PPP1R12B: variants seen among roughly 807,000 people sequenced by gnomAD.
PPP1R12B encodes the protein protein phosphatase 1 regulatory subunit 12B.
Under a neutral mutation model 126.1 loss-of-function variants are expected in PPP1R12B, and 76 were observed. The ratio of observed to expected loss-of-function variants is 0.60; its 90% CI spans 0.50 to 0.73. The LOEUF (loss-of-function observed/expected upper bound fraction) is 0.73. Ranked by LOEUF, PPP1R12B falls within the 30% of genes least tolerant of loss-of-function variation. The pLI is 0.00. For missense variants in PPP1R12B, 1,052 were observed against 1,205.1 expected (o/e 0.87, Z 1.88); for synonymous variants, 356 against 434.7 (o/e 0.82, Z 2.25).
chr1:202,392,908 T>A (rs1664353861), intron 1 of PPP1R12B, among the ~76,000 whole-genome samples: 1 of 152,034 alleles, frequency 6.6e-6, no homozygotes, highest in Non-Finnish European at 1.5e-5. Context: ...CTATAATTTT[T>A]AAAAAAAGTA....
At chr1:202,505,989 A>C (rs559812090) in intron 18 of PPP1R12B, among the ~76,000 whole-genome samples, 2 of 152,224 alleles carry the variant, frequency 1.3e-5, no homozygotes, top group Non-Finnish European at 2.9e-5. Flanking sequence ...TGGCTGTTAT[A>C]AACAGTCCTG....
intron 1 of PPP1R12B, among the ~76,000 whole-genome samples, chr1:202,407,968 T>C (rs1320313300): frequency 6.6e-5 from 10 of 152,148 alleles, no homozygotes; most frequent in African/African-American, 2.4e-4. Flanking sequence ...ACTATTTACA[T>C]AGTATTTACA....
chr1:202,519,974 G>A lies in PPP1R12B; in HGVS notation c.2490+23152G>A, dbSNP rs114547877. ...CACAGAAACTTCATCCAGCTACCAG[G>A]CTATTCCTTTGTAGAGTGGTGATCA... is the stretch of plus-strand genomic sequence containing the variant. On this transcript the variant is annotated intron_variant, in intron 18 of 23. Coordinates refer to ENST00000608999, the MANE Select transcript of PPP1R12B (RefSeq NM_002481.4). 1.9e-3 allele frequency among the ~76,000 whole-genome samples: 283 copies of A among 152,238 alleles called. 2 individuals carry two copies. Among genetic ancestry groups the A allele is most frequent in the African/African-American group, 6.6e-3 (275 of 41,530 alleles).
rs34810265 is a variant in PPP1R12B at position 202,401,361 on chromosome 1, ATTTTTTTTT to A, written c.292-15405_292-15397del. Among the ~76,000 whole-genome samples, 1,583 of 71,414 alleles carry A rather than the reference ATTTTTTTTT, an allele frequency of 0.022. 74 individuals carry two copies. The East Asian group carries it at 0.29, about 13-fold the overall frequency. The allele number at this position is 71,414 out of a possible 152,430, so 46.9% of individuals were successfully genotyped here. A position where few individuals can be genotyped will look rare whatever the true frequency, so the allele number is the denominator to read the frequency against. On this transcript the variant is annotated intron_variant, in intron 1 of 23. Transcript: ENST00000608999. Reference sequence around the variant, plus strand: ...TCCACCACCATGGCTGGCTAATTTAATTTTTTTTTTTTTTTTTTTTTTTTTTTTTGTAGA... The same window carrying A: ...TCCACCACCATGGCTGGCTAATTTAATTTTTTTTTTTTTTTTTTTTGTAGA...
At chr1:202,368,624 A>G (rs745349204) in intron 1 of PPP1R12B, among the ~76,000 whole-genome samples, 4 of 151,718 alleles carry the variant, frequency 2.6e-5, no homozygotes, top group Admixed American at 6.6e-5. Flanking sequence ...TATAATTTCT[A>G]TCATTCTAGA....
chr1:202,528,753 T>C (rs1250841006), intron 18 of PPP1R12B, among the ~76,000 whole-genome samples: 1 of 152,156 alleles, frequency 6.6e-6, no homozygotes, highest in Non-Finnish European at 1.5e-5. Context: ...TTTTGTTTTT[T>C]TTTACATATA....
chr1:202,408,608 A>C (rs1378667610), intron 1 of PPP1R12B, among the ~76,000 whole-genome samples: 1 of 152,104 alleles, frequency 6.6e-6, no homozygotes, highest in Admixed American at 6.6e-5. Flanking sequence ...AAAATTATTC[A>C]ATCATTCTCC....
chr1:202,516,573 CT>C (rs1682173338), intron 18 of PPP1R12B, among the ~76,000 whole-genome samples: 1 of 151,866 alleles, frequency 6.6e-6, no homozygotes, highest in Admixed American at 6.6e-5. Context: ...AATTAATAGT[CT>C]TTGGTTAGTA....
At chr1:202,415,461 G>A (rs1200284804) in intron 1 of PPP1R12B, among the ~76,000 whole-genome samples, 5 of 152,182 alleles carry the variant, frequency 3.3e-5, no homozygotes, top group African/African-American at 1.2e-4. Context: ...TTTTAAAGGA[G>A]GGGATTAAAA....
At chr1:202,539,330 G>A (rs751901436) in intron 18 of PPP1R12B, among the ~76,000 whole-genome samples, 6 of 152,064 alleles carry the variant, frequency 3.9e-5, no homozygotes, top group African/African-American at 1.4e-4. Flanking sequence ...GTGGTAACCC[G>A]AATTCTGAGT....
At chr1:202,359,097 A>G (rs958000500) in intron 1 of PPP1R12B, among the ~76,000 whole-genome samples, 1 of 152,180 alleles carries the variant, frequency 6.6e-6, no homozygotes, top group Non-Finnish European at 1.5e-5. Flanking sequence ...ATAGATCCTC[A>G]TCTCCAGTAT....
chr1:202,490,160 C>T (rs747008887), intron 14 of PPP1R12B, among the ~76,000 whole-genome samples: 12 of 151,956 alleles, frequency 7.9e-5, no homozygotes, highest in Admixed American at 3.3e-4. Flanking sequence ...TGAAACAGAA[C>T]GAAAAGAAGC....
Position 202,395,212 on chromosome 1 carries a change from C to CA in PPP1R12B, c.292-21574dup, listed in dbSNP as rs200015809. Among the ~76,000 whole-genome samples the CA allele has an allele frequency of 1.1e-4, 17 of 151,916 alleles. No individual in the cohort carries two copies. In the East Asian group the frequency reaches 3.1e-3, roughly 28 times the overall value. ...AGCTTTGGTTTGGAAGTTAGGAACC[C>CA]ACAGCATTAGTTCTGCTATTGTCAT... On this transcript the variant is annotated intron_variant, in intron 1 of 23. Transcript: ENST00000608999.
At chr1:202,554,189 A>G (rs1390615444) in intron 18 of PPP1R12B, among the ~76,000 whole-genome samples, 2 of 152,186 alleles carry the variant, frequency 1.3e-5, no homozygotes, top group Admixed American at 6.5e-5. Flanking sequence ...TATTCCACCA[A>G]TGAAAATTAG....
intron 1 of PPP1R12B, among the ~76,000 whole-genome samples, chr1:202,353,568 C>G (rs922324061): frequency 7.1e-6 from 1 of 141,020 alleles, no homozygotes; most frequent in Non-Finnish European, 1.5e-5. Flanking sequence ...CGCAGAATTT[C>G]TTCCCTATTC....
chr1:202,438,321 G>A lies in PPP1R12B; in HGVS notation c.1458+297G>A, dbSNP rs551069492. The A allele has an allele frequency of 1.4e-4, 198 of 1,374,342 alleles. No homozygotes were observed. The African/African-American group carries it at 2.0e-3, about 14-fold the overall frequency. 85.1% of individuals were successfully genotyped at this position (1,374,342 alleles called of 1,614,324 possible). A position where few individuals can be genotyped will look rare whatever the true frequency, so the allele number is the denominator to read the frequency against. ...ATGGATCAGCAACATAAAAATTTCAGTATGGCGGAGGGGGGCACAGGACCC... is the reference window on the plus strand; with the variant it reads ...ATGGATCAGCAACATAAAAATTTCAATATGGCGGAGGGGGGCACAGGACCC... On this transcript the variant is annotated intron_variant, in intron 10 of 23. Coordinates refer to ENST00000608999, the MANE Select transcript of PPP1R12B (RefSeq NM_002481.4).
At chr1:202,504,123 AGTGG>A (rs1190425287) in intron 18 of PPP1R12B, among the ~76,000 whole-genome samples, 1 of 152,174 alleles carries the variant, frequency 6.6e-6, no homozygotes, top group Admixed American at 6.6e-5. Context: ...GGCCGGCCGT[AGTGG>A]CTCACGCGTG....
rs927059873 is a variant in PPP1R12B at position 202,419,662 on chromosome 1, G to A, written c.422+2745G>A. On this transcript the variant is annotated intron_variant, in intron 2 of 23. Transcript: ENST00000608999. This position sits in a 1 kb window ranked among gnomAD's most constrained non-coding sequence, Gnocchi z 4.6. Reference sequence around the variant, plus strand: ...CAGTAGGGATGGAATAGATGTCAGAGTAGAGTGGTTAAGATATTTCATGTA... The same window carrying A: ...CAGTAGGGATGGAATAGATGTCAGAATAGAGTGGTTAAGATATTTCATGTA... Among the ~76,000 whole-genome samples the A allele has an allele frequency of 3.3e-5, 5 of 152,144 alleles. No homozygotes were observed. Among genetic ancestry groups the A allele is most frequent in the African/African-American group, 9.7e-5 (4 of 41,434 alleles).
intron 18 of PPP1R12B, among the ~76,000 whole-genome samples, chr1:202,522,015 C>T (rs1247428540): frequency 2.0e-5 from 3 of 152,102 alleles, no homozygotes; most frequent in Non-Finnish European, 4.4e-5. Context: ...TAGGCTTTGG[C>T]AACAGTAGAT....
Sources: gnomAD v4.1 joint callset for allele counts (sites outside exome capture counted in the v4.1 genomes callset) on GRCh38, gnomAD v4.1.1 for gene constraint, Gnocchi (gnomAD v3.1) non-coding constraint, MANE v1.5 for transcripts, NCBI Gene and HGNC (gene_info 2026-07-23, HGNC 2026-07-21) for gene names.